The following SEZ6L variants were observed in gnomAD, a reference collection of about 807,000 sequenced individuals.
SEZ6L encodes the protein seizure related 6 homolog like, also known as seizure 6-like protein.
In SEZ6L, 37 loss-of-function variants were observed where a neutral mutation model predicts 106.2. That is an observed-to-expected ratio of 0.35 (90% CI 0.27 to 0.46). The LOEUF is 0.46. Ranked by LOEUF, SEZ6L falls within the 20% of genes least tolerant of loss-of-function variation. The pLI is 1.00. For synonymous variants in SEZ6L, 541 were observed against 570.4 expected (o/e 0.95, Z 0.73); for missense variants, 1,172 against 1,332.8 (o/e 0.88, Z 1.88).
At chr22:26,343,817 A>G (rs551254633) in intron 10 of SEZ6L, among the ~76,000 whole-genome samples, 230 of 152,324 alleles carry the variant, frequency 1.5e-3, no homozygotes, top group Non-Finnish European at 3.0e-3. Context: ...TGTTAAAGAA[A>G]CACACAGTTA....
intron 1 of SEZ6L, among the ~76,000 whole-genome samples, chr22:26,233,276 G>C (rs1031418469): frequency 6.6e-6 from 1 of 152,158 alleles, no homozygotes; most frequent in South Asian, 2.1e-4. Context: ...CTCATGCGGC[G>C]CCTCTTCCTG....
At chr22:26,369,260 A>C (rs2083922137) in intron 13 of SEZ6L, among the ~76,000 whole-genome samples, 1 of 151,594 alleles carries the variant, frequency 6.6e-6, no homozygotes, top group Non-Finnish European at 1.5e-5. Context: ...GGGAAACACT[A>C]GCATGAGGGT....
chr22:26,310,591 C>G lies in SEZ6L; in HGVS notation c.1515-79C>G. On this transcript the variant is annotated intron_variant, in intron 6 of 16. Transcript: ENST00000248933. Reference sequence around the variant, plus strand: ...CCGGTAATGAGGCTCCAGAGGCAGTCGTAGCACATCCCTTCCTCTGCCATG... The same window carrying G: ...CCGGTAATGAGGCTCCAGAGGCAGTGGTAGCACATCCCTTCCTCTGCCATG... 3.4e-6 allele frequency: 5 copies of G among 1,488,882 alleles called. No homozygotes were observed. The South Asian group carries it at 6.1e-5, about 18-fold the overall frequency. The allele number at this position is 1,488,882 out of a possible 1,614,324, so 92.2% of individuals were successfully genotyped here.
chr22:26,335,161 G>T (rs1038958992), intron 9 of SEZ6L, among the ~76,000 whole-genome samples: 3 of 152,168 alleles, frequency 2.0e-5, no homozygotes, highest in African/African-American at 7.2e-5. Flanking sequence ...TCTTTGCATT[G>T]AGGGGAAAAA....
At chr22:26,328,440 G>A (rs1328357979) in intron 9 of SEZ6L, among the ~76,000 whole-genome samples, 2 of 152,228 alleles carry the variant, frequency 1.3e-5, no homozygotes, top group Non-Finnish European at 2.9e-5. Flanking sequence ...TCTGCTTCAA[G>A]GTCCTGCAGC....
intron 1 of SEZ6L, among the ~76,000 whole-genome samples, chr22:26,170,804 A>G (rs1200391298): frequency 1.3e-5 from 2 of 152,226 alleles, no homozygotes; most frequent in African/African-American, 2.4e-5. Flanking sequence ...CCTCACGTGT[A>G]AAAAAGCAGA....
At chr22:26,332,662 G>A (rs772507330) in intron 9 of SEZ6L, among the ~76,000 whole-genome samples, 1 of 152,090 alleles carries the variant, frequency 6.6e-6, no homozygotes, top group South Asian at 2.1e-4. Context: ...TGCCCAGGCA[G>A]GTCTTGAACT....
chr22:26,291,578 C>T (rs1041258701), intron 1 of SEZ6L, among the ~76,000 whole-genome samples: 2 of 152,154 alleles, frequency 1.3e-5, no homozygotes, highest in Non-Finnish European at 2.9e-5. Flanking sequence ...ACATCCTGCA[C>T]ATAGGCCCCA....
rs182550952 is a variant in SEZ6L at position 26,295,339 on chromosome 22, A to G, written c.969+914A>G. ...TGTTATCCATTATCTTCAGTATGCTAATCACCCTGAATGTGTTCCTTTTTC... is the reference window on the plus strand; with the variant it reads ...TGTTATCCATTATCTTCAGTATGCTGATCACCCTGAATGTGTTCCTTTTTC... On this transcript the variant is annotated intron_variant, in intron 3 of 16. Coordinates refer to ENST00000248933, the MANE Select transcript of SEZ6L (RefSeq NM_021115.5). Among the ~76,000 whole-genome samples the G allele has an allele frequency of 8.5e-4, 129 of 152,350 alleles. 1 individual carries two copies. Among genetic ancestry groups the G allele is most frequent in the African/African-American group, 2.7e-3 (112 of 41,570 alleles).
intron 1 of SEZ6L, among the ~76,000 whole-genome samples, chr22:26,193,624 CCT>C (rs1360713138): frequency 2.0e-5 from 3 of 152,198 alleles, no homozygotes; most frequent in Admixed American, 1.3e-4. Context: ...ACCAAGGAAT[CCT>C]CTGTTAACAG....
rs1378173488 is a variant in SEZ6L at position 26,375,695 on chromosome 22, G to A, written c.2942+6G>A. ...GCCTACATTTACATCACAAGGTAGGGAGCTGATGGGGGAGATGACTGCCAA... is the reference window on the plus strand; with the variant it reads ...GCCTACATTTACATCACAAGGTAGGAAGCTGATGGGGGAGATGACTGCCAA... On this transcript the variant is annotated splice_donor_region_variant and intron_variant, in intron 15 of 16. Transcript: ENST00000248933. 6.2e-7 allele frequency: 1 copy of A among 1,603,942 alleles called. No individual in the cohort carries two copies. Among genetic ancestry groups the A allele is most frequent in the Admixed American group, 1.7e-5 (1 of 59,714 alleles).
At chr22:26,365,980 C>A (rs2083797669) in intron 13 of SEZ6L, among the ~76,000 whole-genome samples, 1 of 152,138 alleles carries the variant, frequency 6.6e-6, no homozygotes, top group African/African-American at 2.4e-5. Context: ...AAACATGCTG[C>A]CAATTATACT....
intron 1 of SEZ6L, among the ~76,000 whole-genome samples, chr22:26,194,487 T>A (rs1304481216): frequency 6.6e-6 from 1 of 152,198 alleles, no homozygotes; most frequent in Non-Finnish European, 1.5e-5. Flanking sequence ...AGTCACTGGG[T>A]GGCAAGATTG....
chr22:26,275,552 C>T (rs573286923), intron 1 of SEZ6L, among the ~76,000 whole-genome samples: 1 of 152,184 alleles, frequency 6.6e-6, no homozygotes, highest in South Asian at 2.1e-4. Context: ...AGTTGAGGCC[C>T]AGAAATGACA....
At chr22:26,176,870 A>G (rs974888027) in intron 1 of SEZ6L, among the ~76,000 whole-genome samples, 4 of 152,150 alleles carry the variant, frequency 2.6e-5, no homozygotes, top group African/African-American at 9.7e-5. Flanking sequence ...GTCTATGCCA[A>G]TTATGAATGA....
intron 1 of SEZ6L, among the ~76,000 whole-genome samples, chr22:26,251,444 G>C (rs1188269964): frequency 6.6e-6 from 1 of 151,948 alleles, no homozygotes; most frequent in Non-Finnish European, 1.5e-5. Flanking sequence ...TTTTGGGGTA[G>C]TGTATCACAT....
At chr22:26,250,068 C>T (rs1424698158) in intron 1 of SEZ6L, among the ~76,000 whole-genome samples, 2 of 152,104 alleles carry the variant, frequency 1.3e-5, no homozygotes, top group African/African-American at 4.8e-5. Context: ...GCATATTAAT[C>T]CCTTGTTGAA....
chr22:26,374,103 C>T (rs1004855083), intron 14 of SEZ6L, among the ~76,000 whole-genome samples: 1 of 151,998 alleles, frequency 6.6e-6, no homozygotes, highest in Non-Finnish European at 1.5e-5. Flanking sequence ...AAATGTCCAG[C>T]GTTCTATGTC....
At chr22:26,305,388 C>T (rs1033119116) in intron 5 of SEZ6L, among the ~76,000 whole-genome samples, 6 of 152,154 alleles carry the variant, frequency 3.9e-5, no homozygotes, top group Non-Finnish European at 8.8e-5. Flanking sequence ...ATTGCCCTCC[C>T]GAAAGGTCAT....
Sources: gnomAD v4.1 joint callset for allele counts (sites outside exome capture counted in the v4.1 genomes callset) on GRCh38, gnomAD v4.1.1 for gene constraint, MANE v1.5 for transcripts, NCBI Gene and HGNC (gene_info 2026-07-23, HGNC 2026-07-21) for gene names.